Variants in CACNA2D3 observed in about 807,000 individuals in gnomAD.
The protein encoded by CACNA2D3 is calcium voltage-gated channel auxiliary subunit alpha2delta 3.
Under a neutral mutation model 160.6 loss-of-function variants are expected in CACNA2D3, and 60 were observed. The ratio of observed to expected loss-of-function variants is 0.37; its 90% CI spans 0.30 to 0.46. The LOEUF is 0.46. CACNA2D3 is among the 20% of genes least tolerant of loss of function. The probability of loss-of-function intolerance (pLI) is 1.00; values close to 1 mark genes in which losing one functional copy is unlikely to be tolerated. For synonymous variants in CACNA2D3, 558 were observed against 492.9 expected (o/e 1.13, Z -1.75); for missense variants, 1,205 against 1,365.0 (o/e 0.88, Z 1.85).
At chr3:54,262,383 C>T (rs1274052430) in intron 2 of CACNA2D3, among the ~76,000 whole-genome samples, 1 of 152,096 alleles carries the variant, frequency 6.6e-6, no homozygotes, top group African/African-American at 2.4e-5. Flanking sequence ...TGAAAGAAAA[C>T]ATTTCCTCCC....
At chr3:54,657,495 G>A (rs973108160) in intron 11 of CACNA2D3, among the ~76,000 whole-genome samples, 4 of 152,068 alleles carry the variant, frequency 2.6e-5, no homozygotes, top group East Asian at 3.9e-4. Context: ...CTTGTATAAC[G>A]GTAACTTTAT....
intron 11 of CACNA2D3, among the ~76,000 whole-genome samples, chr3:54,648,149 G>A (rs1009341089): frequency 3.9e-5 from 6 of 152,226 alleles, no homozygotes; most frequent in Non-Finnish European, 8.8e-5. Context: ...GTTATTTAAA[G>A]GAGAGGTTGA....
chr3:54,145,013 A>G (rs931747289), intron 2 of CACNA2D3, among the ~76,000 whole-genome samples: 5 of 152,236 alleles, frequency 3.3e-5, no homozygotes, highest in African/African-American at 1.2e-4. Context: ...CAGGGTGTCA[A>G]GCTTCACTTT....
At chr3:54,860,862 G>A (rs1699275692) in intron 17 of CACNA2D3, among the ~76,000 whole-genome samples, 1 of 152,194 alleles carries the variant, frequency 6.6e-6, no homozygotes, top group South Asian at 2.1e-4. Context: ...CAAAAAAATA[G>A]TGCCTACTAC....
Position 54,400,817 on chromosome 3 carries a change from T to G in CACNA2D3, c.381+14043T>G, listed in dbSNP as rs116582561. Among the ~76,000 whole-genome samples, 359 of 152,226 alleles carry G rather than the reference T, an allele frequency of 2.4e-3. 3 individuals are homozygous for G. The highest frequency in any genetic ancestry group is 8.4e-3 in the African/African-American group (350 of 41,556). On this transcript the variant is annotated intron_variant, in intron 4 of 37. Coordinates refer to ENST00000474759, the MANE Select transcript of CACNA2D3 (RefSeq NM_018398.3). ...GTTTCACCAGATGTGCAGACATCAA[T>G]GCAAGGAACAAGAAACATGAAAAAG...
rs147416684 is a variant in CACNA2D3, at chr3:54,711,690, G to A, written c.1168-40909G>A. Among the ~76,000 whole-genome samples the A allele has an allele frequency of 2.5e-3, 384 of 152,296 alleles. 1 individual carries two copies. Among genetic ancestry groups the A allele is most frequent in the African/African-American group, 8.8e-3 (364 of 41,560 alleles). On this transcript the variant is annotated intron_variant, in intron 11 of 37. Transcript: ENST00000474759. ...GGAGGAAGCCACATCTCTGAACATA[G>A]AAGAGTGGATATCTGGACAAAGTTG...
chr3:54,145,344 T>C (rs987885158), intron 2 of CACNA2D3, among the ~76,000 whole-genome samples: 1 of 152,172 alleles, frequency 6.6e-6, no homozygotes, highest in Non-Finnish European at 1.5e-5. Context: ...GTTTTGATAA[T>C]GAAAGTACCC....
At chr3:54,413,177 G>C (rs1403509064) in intron 4 of CACNA2D3, among the ~76,000 whole-genome samples, 5 of 151,558 alleles carry the variant, frequency 3.3e-5, no homozygotes, top group Non-Finnish European at 7.4e-5. Flanking sequence ...TGAATTGACA[G>C]CTAATTCTTT....
chr3:54,498,993 G>T (rs775713151), intron 4 of CACNA2D3, among the ~76,000 whole-genome samples: 9 of 151,962 alleles, frequency 5.9e-5, no homozygotes, highest in Admixed American at 2.6e-4. Flanking sequence ...ATAGTATGTG[G>T]ATTTCAGTCA....
At chr3:54,496,377 T>A (rs1200625960) in intron 4 of CACNA2D3, among the ~76,000 whole-genome samples, 3 of 152,136 alleles carry the variant, frequency 2.0e-5, no homozygotes, top group Non-Finnish European at 4.4e-5. Context: ...TGATTGGAGT[T>A]TTATTTTTGT....
intron 35 of CACNA2D3, among the ~76,000 whole-genome samples, chr3:55,032,604 A>C (rs1703707697): frequency 6.6e-6 from 1 of 152,156 alleles, no homozygotes; most frequent in African/African-American, 2.4e-5. Context: ...TGAGATCTCA[A>C]TGCCATCAGT....
chr3:54,845,631 A>G lies in CACNA2D3; in HGVS notation c.1552-762A>G, dbSNP rs116414140. On this transcript the variant is annotated intron_variant, in intron 16 of 37. Transcript: ENST00000474759. ...GAAATATTGTCAAAAAGCCGGGATT[A>G]TTATTTAAATAAGTGCAGTGTTAAA... Among the ~76,000 whole-genome samples the G allele has an allele frequency of 3.7e-3, 569 of 152,374 alleles. 3 individuals are homozygous for G. The highest frequency in any genetic ancestry group is 0.013 in the African/African-American group (537 of 41,586).
At chr3:54,888,405 G>C (rs1699977478) in intron 24 of CACNA2D3, among the ~76,000 whole-genome samples, 2 of 152,144 alleles carry the variant, frequency 1.3e-5, no homozygotes, top group Non-Finnish European at 2.9e-5. Flanking sequence ...GGCCAGGTTA[G>C]GTTGTGAGTA....
At chr3:54,716,080 A>G (rs73072204) in intron 11 of CACNA2D3, among the ~76,000 whole-genome samples, 8,485 of 152,284 alleles carry the variant, frequency 0.056, 286 homozygotes, top group African/African-American at 0.084. Flanking sequence ...GAATATATTC[A>G]ATCTTTGTCA....
chr3:54,716,142 C>T lies in CACNA2D3; in HGVS notation c.1168-36457C>T, dbSNP rs139071721. ...AACTTTATTTTGAAATAATTTTAGACTAACAAGAAATGCAAAAATAATACT... is the reference window on the plus strand; with the variant it reads ...AACTTTATTTTGAAATAATTTTAGATTAACAAGAAATGCAAAAATAATACT... On this transcript the variant is annotated intron_variant, in intron 11 of 37. Transcript: ENST00000474759. Among the ~76,000 whole-genome samples the T allele has an allele frequency of 7.0e-3, 1,068 of 152,142 alleles. 8 individuals are homozygous for T. The highest frequency in any genetic ancestry group is 0.02 in the Middle Eastern group (6 of 294).
intron 27 of CACNA2D3, chr3:54,918,329 T>TC: frequency 2.9e-6 from 1 of 342,666 alleles, no homozygotes; most frequent in African/African-American, 4.1e-5. Context: ...ATCTTTTTTT[T>TC]TTCTTTTTTT....
intron 13 of CACNA2D3, among the ~76,000 whole-genome samples, chr3:54,810,722 A>G (rs1394718444): frequency 2.6e-5 from 4 of 152,134 alleles, no homozygotes; most frequent in Non-Finnish European, 5.9e-5. Context: ...TAGATCTTTA[A>G]TTGGAGTTTT....
intron 13 of CACNA2D3, 133 bp downstream of exon 13, chr3:54,764,484 T>C (rs1003386943): frequency 9.1e-7 from 1 of 1,100,008 alleles, no homozygotes; most frequent in Non-Finnish European, 1.3e-6. Context: ...GTTTGTATAG[T>C]GTTGGTCACC....
At chr3:54,968,144 G>A (rs1380546347) in intron 27 of CACNA2D3, among the ~76,000 whole-genome samples, 1 of 151,780 alleles carries the variant, frequency 6.6e-6, no homozygotes, top group Non-Finnish European at 1.5e-5. Flanking sequence ...CCTCTTCTCA[G>A]CTTGTGTTGG....
Sources: gnomAD v4.1 joint callset for allele counts (sites outside exome capture counted in the v4.1 genomes callset) on GRCh38, gnomAD v4.1.1 for gene constraint, MANE v1.5 for transcripts, NCBI Gene and HGNC (gene_info 2026-07-23, HGNC 2026-07-21) for gene names.